B3GALT1: variants seen among roughly 807,000 people sequenced by gnomAD.
B3GALT1 encodes beta-1,3-galactosyltransferase 1, also known as UDP-Gal:betaGlcNAc beta 1,3-galactosyltransferase, polypeptide 1.
Under a neutral mutation model 23.2 loss-of-function variants are expected in B3GALT1, and 10 were observed. That is an observed-to-expected ratio of 0.43 (90% confidence interval 0.27 to 0.73). The LOEUF is 0.73. Ranked by LOEUF, B3GALT1 falls within the 30% of genes least tolerant of loss-of-function variation. The pLI, the probability that B3GALT1 is intolerant of heterozygous loss-of-function variation, is 0.21. For missense variants in B3GALT1, 299 were observed against 405.4 expected, an observed-to-expected ratio of 0.74 and a Z score of 2.25; for synonymous variants, 156 against 141.5, an observed-to-expected ratio of 1.10 and a Z score of -0.73.
intron 1 of B3GALT1, among the ~76,000 whole-genome samples, chr2:167,446,202 T>C (rs1032722800): frequency 2.0e-5 from 3 of 152,244 alleles, no homozygotes; most frequent in Non-Finnish European, 4.4e-5. Context: ...CCCACTTTCT[T>C]CTGGCTTGTA....
intron 3 of B3GALT1, among the ~76,000 whole-genome samples, chr2:167,706,108 G>A (rs1034666111): frequency 1.3e-5 from 2 of 152,206 alleles, no homozygotes; most frequent in Admixed American, 6.5e-5. Context: ...CTCTCTATAC[G>A]GAAGCTACTT....
chr2:167,500,394 T>C (rs1297872978), intron 2 of B3GALT1, among the ~76,000 whole-genome samples: 1 of 152,190 alleles, frequency 6.6e-6, no homozygotes, highest in East Asian at 1.9e-4. Flanking sequence ...TGACCAGTTT[T>C]ATATCACCAC....
chr2:167,753,052 G>A (rs1414677933), intron 3 of B3GALT1, among the ~76,000 whole-genome samples: 1 of 152,184 alleles, frequency 6.6e-6, no homozygotes, highest in Non-Finnish European at 1.5e-5. Flanking sequence ...GAATGGGGCA[G>A]CCCACCAGTG....
intron 3 of B3GALT1, among the ~76,000 whole-genome samples, chr2:167,668,832 A>C (rs761975998): frequency 7.6e-4 from 116 of 152,104 alleles, no homozygotes; most frequent in Non-Finnish European, 1.4e-3. Flanking sequence ...GCACCCACTG[A>C]CCTGCGCCCA....
At chr2:167,350,145 G>T (rs969144322) in intron 1 of B3GALT1, among the ~76,000 whole-genome samples, 3 of 152,254 alleles carry the variant, frequency 2.0e-5, no homozygotes, top group African/African-American at 7.2e-5. Context: ...CGTTGAAAAA[G>T]ATTTTAATTG....
intron 2 of B3GALT1, among the ~76,000 whole-genome samples, chr2:167,534,410 A>G (rs771649240): frequency 6.6e-6 from 1 of 152,110 alleles, no homozygotes; most frequent in Non-Finnish European, 1.5e-5. Flanking sequence ...AATACAGGCA[A>G]GACATTGAAA....
intron 2 of B3GALT1, among the ~76,000 whole-genome samples, chr2:167,613,469 A>G (rs1034042543): frequency 1.3e-5 from 2 of 151,452 alleles, no homozygotes; most frequent in Non-Finnish European, 3.0e-5. Context: ...ATAATATACT[A>G]GAAAGAGGAA....
chr2:167,464,247 C>T (rs748863794), intron 1 of B3GALT1, among the ~76,000 whole-genome samples: 5 of 151,822 alleles, frequency 3.3e-5, no homozygotes, highest in African/African-American at 4.8e-5. Flanking sequence ...TCCTCATGGC[C>T]CTGCTTCAGT....
chr2:167,830,460 C>T (rs994059196), intron 4 of B3GALT1, among the ~76,000 whole-genome samples: 4 of 152,060 alleles, frequency 2.6e-5, no homozygotes, highest in African/African-American at 7.2e-5. Context: ...CAGGCTTTCA[C>T]GTGAAAAGTT....
chr2:167,763,787 C>T (rs943105812), intron 3 of B3GALT1, among the ~76,000 whole-genome samples: 34 of 150,356 alleles, frequency 2.3e-4, no homozygotes, highest in African/African-American at 8.1e-4. Context: ...GATTTCTGAT[C>T]ACTGGAATCA....
At chr2:167,863,772 G>A (rs1188003023) in intron 4 of B3GALT1, among the ~76,000 whole-genome samples, 2 of 152,100 alleles carry the variant, frequency 1.3e-5, no homozygotes, top group East Asian at 3.9e-4. Flanking sequence ...AATACCCCTT[G>A]CTATGAGTTC....
At chr2:167,616,587 A>T (rs188204419) in intron 2 of B3GALT1, among the ~76,000 whole-genome samples, 17 of 152,082 alleles carry the variant, frequency 1.1e-4, no homozygotes, top group African/African-American at 4.1e-4. Flanking sequence ...CTGTAATCCC[A>T]TCCACTCAGG....
chr2:167,433,874 G>A (rs764371405), intron 1 of B3GALT1, among the ~76,000 whole-genome samples: 1 of 152,088 alleles, frequency 6.6e-6, no homozygotes, highest in Non-Finnish European at 1.5e-5. Context: ...TTTACGGTGA[G>A]GTGTGACCAT....
Position 167,641,763 on chromosome 2 carries a change from C to T in B3GALT1, c.-409-5146C>T, listed in dbSNP as rs147729919. Among the ~76,000 whole-genome samples the T allele has an allele frequency of 2.9e-4, 44 of 152,192 alleles. No individual in the cohort carries two copies. The East Asian group carries it at 5.0e-3, about 17-fold the overall frequency. On this transcript the variant is annotated intron_variant, in intron 2 of 4. Coordinates refer to ENST00000392690, the MANE Select transcript of B3GALT1 (RefSeq NM_020981.4). ...CTCTTGTCAGCCCTGCAAATGTTGG[C>T]GTGCTCAAGGACTCAGTGGTGGGAC...
intron 3 of B3GALT1, among the ~76,000 whole-genome samples, chr2:167,799,640 A>T (rs1224338637): frequency 6.6e-6 from 1 of 152,216 alleles, no homozygotes; most frequent in African/African-American, 2.4e-5. Context: ...ATAAACAGAG[A>T]GTTTGAACAA....
At chr2:167,818,917 A>T (rs1487033363) in intron 4 of B3GALT1, among the ~76,000 whole-genome samples, 124 bp downstream of exon 4, 1 of 152,228 alleles carries the variant, frequency 6.6e-6, no homozygotes, top group East Asian at 1.9e-4. Context: ...GCAGAGAGAA[A>T]AGTCTAGGTT....
At chr2:167,552,135 T>C (rs528177128) in intron 2 of B3GALT1, among the ~76,000 whole-genome samples, 2 of 152,200 alleles carry the variant, frequency 1.3e-5, no homozygotes, top group Non-Finnish European at 2.9e-5. Context: ...GCAAGGAGAA[T>C]TGGGTCTAAC....
chr2:167,755,811 A>C (rs1283363638), intron 3 of B3GALT1, among the ~76,000 whole-genome samples: 1 of 151,774 alleles, frequency 6.6e-6, no homozygotes, highest in East Asian at 2.0e-4. Flanking sequence ...CTACAAAAAT[A>C]ACAACACAAA....
At chr2:167,673,524 A>G (rs555718460) in intron 3 of B3GALT1, among the ~76,000 whole-genome samples, 1 of 152,006 alleles carries the variant, frequency 6.6e-6, no homozygotes, top group Admixed American at 6.6e-5. Context: ...AGTTCTACCC[A>G]TTTACTTCCA....
Sources: allele counts gnomAD v4.1 joint callset (sites outside exome capture counted in the v4.1 genomes callset), GRCh38; gene constraint gnomAD v4.1.1; transcripts MANE v1.5; gene names NCBI Gene and HGNC (gene_info 2026-07-23, HGNC 2026-07-21).